NCKAP5: variants seen among roughly 807,000 people sequenced by gnomAD.
NCKAP5 encodes the protein NCK associated protein 5.
In NCKAP5, 92 loss-of-function variants were observed where a neutral mutation model predicts 167.0. That is an observed-to-expected ratio of 0.55 (90% CI 0.47 to 0.66). The LOEUF (loss-of-function observed/expected upper bound fraction) is 0.66, where lower values mean the gene tolerates loss of function less well. Ranked by LOEUF, NCKAP5 falls within the 30% of genes least tolerant of loss-of-function variation. NCKAP5 has a pLI of 0.00. For synonymous variants in NCKAP5, 891 were observed against 877.4 expected (o/e 1.02, Z -0.27); for missense variants, 2,378 against 2,315.0 (o/e 1.03, Z -0.56).
intron 6 of NCKAP5, among the ~76,000 whole-genome samples, chr2:133,068,194 G>A (rs947959258): frequency 2.1e-4 from 32 of 152,118 alleles, no homozygotes; most frequent in Non-Finnish European, 1.2e-4. Flanking sequence ...GCTGATGGTG[G>A]GGCTTAGGGC....
intron 6 of NCKAP5, among the ~76,000 whole-genome samples, chr2:133,116,154 G>T (rs1051905326): frequency 3.3e-5 from 5 of 152,024 alleles, no homozygotes; most frequent in African/African-American, 1.2e-4. Context: ...GAATGAACTT[G>T]AAAATGTATG....
intron 3 of NCKAP5, among the ~76,000 whole-genome samples, chr2:133,489,639 T>G (rs966074261): frequency 6.6e-6 from 1 of 152,250 alleles, no homozygotes; most frequent in Non-Finnish European, 1.5e-5. Context: ...ACTACTTGAC[T>G]GTATTTTAAA....
the NCKAP5 span, among the ~76,000 whole-genome samples, chr2:133,663,918 A>G: frequency 1.3e-5 from 2 of 152,212 alleles, no homozygotes; most frequent in African/African-American, 4.8e-5. Context: ...GTAAGTTTTC[A>G]ATTTACTTTG....
At chr2:133,425,265 T>A (rs1183490012) in intron 3 of NCKAP5, among the ~76,000 whole-genome samples, 13 of 152,228 alleles carry the variant, frequency 8.5e-5, no homozygotes, top group Non-Finnish European at 1.6e-4. Flanking sequence ...ATTTCTAACA[T>A]ACAGATTGAG....
chr2:133,500,943 C>G (rs2874400), intron 3 of NCKAP5, among the ~76,000 whole-genome samples: 98,548 of 152,026 alleles, frequency 0.65, 32,195 homozygotes, highest in East Asian at 0.8. Flanking sequence ...ACCATCTCTA[C>G]AGCTGTACTG....
intron 19 of NCKAP5, among the ~76,000 whole-genome samples, chr2:132,711,040 C>T (rs1558954679): frequency 6.6e-6 from 1 of 152,152 alleles, no homozygotes; most frequent in Non-Finnish European, 1.5e-5. Context: ...TGTTAGGTAC[C>T]TCCTGCGTGC....
chr2:132,922,740 G>A (rs1256492876), intron 8 of NCKAP5, among the ~76,000 whole-genome samples: 1 of 152,172 alleles, frequency 6.6e-6, no homozygotes, highest in African/African-American at 2.4e-5. Context: ...GAGAAGTTGA[G>A]GAGCCTCAAA....
intron 5 of NCKAP5, among the ~76,000 whole-genome samples, chr2:133,205,241 C>T (rs2085891366): frequency 6.6e-6 from 1 of 151,882 alleles, no homozygotes; most frequent in Non-Finnish European, 1.5e-5. Context: ...TGCAATGGGC[C>T]AGGTTGTGCC....
At chr2:133,315,572 T>C (rs1262520734) in intron 3 of NCKAP5, among the ~76,000 whole-genome samples, 2 of 150,932 alleles carry the variant, frequency 1.3e-5, no homozygotes, top group East Asian at 3.9e-4. Flanking sequence ...TCGAATGGGA[T>C]TACCTGAGGA....
chr2:133,533,820 T>C (rs768544519), intron 2 of NCKAP5, among the ~76,000 whole-genome samples: 1 of 152,194 alleles, frequency 6.6e-6, no homozygotes, highest in African/African-American at 2.4e-5. Flanking sequence ...GCCCAGAAAT[T>C]TGAAAGTCTC....
At position 133,129,990 on chromosome 2, in the gene NCKAP5, T is replaced by A; in HGVS notation, c.329A>T (p.Gln110Leu). 1 of 1,606,884 alleles carries A rather than the reference T, an allele frequency of 6.2e-7. No homozygotes were observed. The highest frequency in any genetic ancestry group is 8.5e-7 in the Non-Finnish European group (1 of 1,177,764). Residue 110 changes from glutamine (Q) to leucine (L), a missense_variant, in exon 6 of 20, where the codon CAG (glutamine) becomes CTG (leucine). By Grantham distance (113) the Gln-to-Leu change is moderately radical. Coordinates refer to ENST00000409261, the MANE Select transcript of NCKAP5 (RefSeq NM_207363.3). ...CTAAGAACAATACCTGGAGAACTGC[T>A]GCTGCAAGCTACGCATCTGAATTCT... Reference protein sequence around the residue: ...RNRIQMRSLQQQFSRMEETVR... With the variant: ...RNRIQMRSLQLQFSRMEETVR...
At chr2:133,496,824 A>G (rs1469303843) in intron 3 of NCKAP5, among the ~76,000 whole-genome samples, 1 of 152,218 alleles carries the variant, frequency 6.6e-6, no homozygotes, top group African/African-American at 2.4e-5. Flanking sequence ...GGCTCTTATA[A>G]TAGATTCAGA....
chr2:132,797,122 A>G, intron 11 of NCKAP5, among the ~76,000 whole-genome samples: 1 of 152,240 alleles, frequency 6.6e-6, no homozygotes, highest in East Asian at 1.9e-4. Context: ...TATGTTGAGC[A>G]GTGGTTAAAA....
At chr2:132,985,888 A>C (rs2077273764) in intron 7 of NCKAP5, among the ~76,000 whole-genome samples, 1 of 152,204 alleles carries the variant, frequency 6.6e-6, no homozygotes, top group African/African-American at 2.4e-5. Context: ...GCTCTCAATA[A>C]AAATACTTTA....
intron 9 of NCKAP5, 39 bp from the exon 10 acceptor site, chr2:132,869,013 G>A: frequency 1.4e-6 from 2 of 1,438,156 alleles, no homozygotes; most frequent in Non-Finnish European, 1.9e-6. Context: ...TTATAATAAT[G>A]AGACTTTATA....
At chr2:132,772,359 A>C (rs559811807) in intron 16 of NCKAP5, among the ~76,000 whole-genome samples, 44 of 152,314 alleles carry the variant, frequency 2.9e-4, no homozygotes, top group Non-Finnish European at 4.9e-4. Context: ...TCATTAATTT[A>C]AATTGAAACA....
At chr2:132,777,446 T>A (rs1682644999) in intron 15 of NCKAP5, among the ~76,000 whole-genome samples, 1 of 152,156 alleles carries the variant, frequency 6.6e-6, no homozygotes, top group Non-Finnish European at 1.5e-5. Flanking sequence ...TTTGAGAACA[T>A]CCTTCATTTG....
the NCKAP5 span, among the ~76,000 whole-genome samples, chr2:133,665,296 A>G: frequency 6.6e-6 from 1 of 152,208 alleles, no homozygotes; most frequent in Non-Finnish European, 1.5e-5. Flanking sequence ...CTAGCTTTTA[A>G]TGTTAAGTAA....
At chr2:132,832,733 T>G (rs992229965) in intron 11 of NCKAP5, among the ~76,000 whole-genome samples, 1 of 152,212 alleles carries the variant, frequency 6.6e-6, no homozygotes, top group Non-Finnish European at 1.5e-5. Flanking sequence ...TGTTACATTA[T>G]GTATATATAC....
Sources: allele counts gnomAD v4.1 joint callset (sites outside exome capture counted in the v4.1 genomes callset), GRCh38; gene constraint gnomAD v4.1.1; transcripts MANE v1.5; gene names NCBI Gene and HGNC (gene_info 2026-07-23, HGNC 2026-07-21).